ZFHX3: variants seen among roughly 807,000 people sequenced by gnomAD.
ZFHX3 encodes the protein zinc finger homeobox 3.
ZFHX3 carries 42 observed loss-of-function variants against 279.1 expected under a neutral mutation model. The observed-to-expected ratio is 0.15, with a 90% confidence interval of 0.12 to 0.19. The LOEUF (loss-of-function observed/expected upper bound fraction) is 0.19, where lower values mean the gene tolerates loss of function less well. Among genes scored for constraint, ZFHX3 ranks in the 10% least tolerant of loss-of-function variants. The probability of loss-of-function intolerance (pLI) is 1.00; values close to 1 mark genes in which losing one functional copy is unlikely to be tolerated. For synonymous variants in ZFHX3, 2,293 were observed against 1,957.8 expected, an observed-to-expected ratio of 1.17 and a Z score of -4.52; for missense variants, 4,981 against 4,754.0, an observed-to-expected ratio of 1.05 and a Z score of -1.40.
intron 1 of ZFHX3, among the ~76,000 whole-genome samples, chr16:72,960,481 AC>A (rs1961524150): frequency 6.6e-6 from 1 of 152,130 alleles, no homozygotes; most frequent in Admixed American, 6.5e-5. Flanking sequence ...GCCCCTGAAG[AC>A]TAGCGGGAAT....
At chr16:73,085,985 C>CAAAAAAAAAAAAAAAAAAAAAAACA (rs57128744) in intron 8 of ZFHX3, among the ~76,000 whole-genome samples, 1 of 54,228 alleles carries the variant, frequency 1.8e-5, no homozygotes, top group African/African-American at 6.1e-5. Flanking sequence ...AACTCAATTG[C>CAAAAAAAAAAAAAAAAAAAAAAACA]AAAAAAAAAA....
chr16:73,402,867 C>T (rs2017284258), intron 3 of ZFHX3, among the ~76,000 whole-genome samples: 1 of 151,188 alleles, frequency 6.6e-6, no homozygotes, highest in African/African-American at 2.4e-5. Flanking sequence ...GAGGGGAGGG[C>T]TTGGGGGTGG....
rs1179025646 is a variant in ZFHX3, at chr16:73,105,406, TATAC to T, written c.-896-11812_-896-11809del. Among the ~76,000 whole-genome samples, 36 of 131,690 alleles carry T rather than the reference TATAC, an allele frequency of 2.7e-4. 1 individual carries two copies. Among genetic ancestry groups the T allele is most frequent in the African/African-American group, 6.1e-4 (21 of 34,420 alleles). The allele number at this position is 131,690 out of a possible 152,430, so 86.4% of individuals were successfully genotyped here. A position where few individuals can be genotyped will look rare whatever the true frequency, so the allele number is the denominator to read the frequency against. On this transcript the variant is annotated intron_variant, in intron 7 of 17. Coordinates refer to the ZFHX3 transcript ENST00000641206. ...ATACACACACACACATATATATATA[TATAC>T]ACACACACATATATATATATATACA...
chr16:73,481,610 G>A (rs1423218543), intron 2 of ZFHX3, among the ~76,000 whole-genome samples: 1 of 147,318 alleles, frequency 6.8e-6, no homozygotes, highest in African/African-American at 2.5e-5. Flanking sequence ...TAATGTGCGT[G>A]GTGTTGTTTT....
chr16:72,960,814 G>C (rs1961542331), intron 1 of ZFHX3, among the ~76,000 whole-genome samples: 1 of 152,124 alleles, frequency 6.6e-6, no homozygotes. Flanking sequence ...AGGTTCACAG[G>C]GCAGGTGTAC....
At chr16:73,712,107 G>A (rs2053368842) in intron 1 of ZFHX3, among the ~76,000 whole-genome samples, 1 of 152,230 alleles carries the variant, frequency 6.6e-6, no homozygotes, top group Non-Finnish European at 1.5e-5. Flanking sequence ...GAGGAATGGT[G>A]AGGTCTGGTC....
chr16:72,819,045 T>C (rs896542462), intron 5 of ZFHX3, among the ~76,000 whole-genome samples: 1 of 152,190 alleles, frequency 6.6e-6, no homozygotes, highest in Non-Finnish European at 1.5e-5. Context: ...GTTGTTATTA[T>C]TACGATTTTA....
chr16:73,536,120 T>A (rs1254281033), intron 2 of ZFHX3, among the ~76,000 whole-genome samples: 3 of 152,296 alleles, frequency 2.0e-5, no homozygotes, highest in East Asian at 3.9e-4. Flanking sequence ...TTATGCTTAG[T>A]TGATTGGGGT....
intron 3 of ZFHX3, among the ~76,000 whole-genome samples, chr16:73,369,687 G>A (rs1414225749): frequency 6.6e-6 from 1 of 152,190 alleles, no homozygotes; most frequent in Non-Finnish European, 1.5e-5. Context: ...GTAGATGCTG[G>A]TGGCTCTTGC....
chr16:73,058,940 CGGGAGG>C (rs1965636687), exon 1 of ZFHX3: 1 of 159,982 alleles, frequency 6.3e-6, no homozygotes, highest in Admixed American at 6.8e-5. Context: ...CGGCTGCGGC[CGGGAGG>C]AGGAGGAGGA....
At chr16:72,883,038 G>C (rs1298315566) in intron 4 of ZFHX3, among the ~76,000 whole-genome samples, 1 of 144,396 alleles carries the variant, frequency 6.9e-6, no homozygotes, top group African/African-American at 2.5e-5. Flanking sequence ...GTGTGTGTGT[G>C]TGTGTGTGTG....
chr16:73,253,340 G>T (rs1052109201), intron 5 of ZFHX3, among the ~76,000 whole-genome samples: 4 of 152,138 alleles, frequency 2.6e-5, no homozygotes, highest in African/African-American at 9.7e-5. Flanking sequence ...TGTGAGAAAT[G>T]AAATCAATGG....
chr16:73,484,982 T>G (rs1045557920), intron 2 of ZFHX3, among the ~76,000 whole-genome samples: 2 of 149,158 alleles, frequency 1.3e-5, no homozygotes, highest in South Asian at 2.1e-4. Flanking sequence ...AAAAAAAAAA[T>G]GGAATTTTCA....
intron 2 of ZFHX3, among the ~76,000 whole-genome samples, chr16:73,479,621 A>G (rs918577458): frequency 6.6e-6 from 1 of 152,144 alleles, no homozygotes; most frequent in Admixed American, 6.6e-5. Context: ...AGCTTGAGGG[A>G]GGGCACTGTG....
chr16:73,673,534 C>T (rs566108321), intron 2 of ZFHX3, among the ~76,000 whole-genome samples: 2 of 152,006 alleles, frequency 1.3e-5, no homozygotes, highest in African/African-American at 4.8e-5. Context: ...GTCTGCCACC[C>T]GAGATAAAAA....
chr16:73,278,572 T>C lies in ZFHX3; in HGVS notation c.-1193-21436A>G, dbSNP rs138128276. ...AGCTTCCACACTGTGTAAGGGGACCTGAGCGAGTAGGAGGTGCTGGCTGGG... is the reference window on the plus strand; with the variant it reads ...AGCTTCCACACTGTGTAAGGGGACCCGAGCGAGTAGGAGGTGCTGGCTGGG... On this transcript the variant is annotated intron_variant, in intron 4 of 17. Coordinates refer to the ZFHX3 transcript ENST00000641206. Among the ~76,000 whole-genome samples the C allele has an allele frequency of 4.9e-3, 749 of 152,344 alleles. 7 individuals carry two copies. The highest frequency in any genetic ancestry group is 0.017 in the African/African-American group (715 of 41,582).
intron 4 of ZFHX3, among the ~76,000 whole-genome samples, chr16:72,855,525 A>G (rs375148405): frequency 6.6e-6 from 1 of 152,264 alleles, no homozygotes; most frequent in African/African-American, 2.4e-5. Context: ...CTGCAGAGAC[A>G]GAGGAACGAA....
intron 1 of ZFHX3, among the ~76,000 whole-genome samples, chr16:73,705,440 G>A (rs1335724151): frequency 6.6e-6 from 1 of 152,098 alleles, no homozygotes; most frequent in Non-Finnish European, 1.5e-5. Flanking sequence ...TTGGACCTTG[G>A]GCCAGTATAC....
chr16:73,575,324 T>G (rs886437465), intron 2 of ZFHX3, among the ~76,000 whole-genome samples: 1 of 152,208 alleles, frequency 6.6e-6, no homozygotes, highest in Non-Finnish European at 1.5e-5. Context: ...AGAAGCTGTG[T>G]AAGGAGTTGC....
Sources: allele counts gnomAD v4.1 joint callset (sites outside exome capture counted in the v4.1 genomes callset), GRCh38; gene constraint gnomAD v4.1.1; transcripts MANE v1.5; gene names NCBI Gene and HGNC (gene_info 2026-07-23, HGNC 2026-07-21).